The following MAGI2 variants were observed in gnomAD, a reference collection of about 807,000 sequenced individuals.
The protein encoded by MAGI2 is membrane-associated guanylate kinase, WW and PDZ domain-containing protein 2.
In MAGI2, 35 loss-of-function variants were observed where a neutral mutation model predicts 133.3. The ratio of observed to expected loss-of-function variants is 0.26; its 90% CI spans 0.20 to 0.35. The LOEUF (loss-of-function observed/expected upper bound fraction) is 0.35. Ranked by LOEUF, MAGI2 falls within the 10% of genes least tolerant of loss-of-function variation. The probability of loss-of-function intolerance (pLI) is 1.00; values close to 1 mark genes in which losing one functional copy is unlikely to be tolerated. For synonymous variants in MAGI2, 729 were observed against 710.6 expected (o/e 1.03, Z -0.41); for missense variants, 1,636 against 1,863.4 (o/e 0.88, Z 2.25).
At chr7:78,284,214 C>T (rs1478004100) in intron 9 of MAGI2, among the ~76,000 whole-genome samples, 1 of 152,060 alleles carries the variant, frequency 6.6e-6, no homozygotes, top group Non-Finnish European at 1.5e-5. Context: ...CTTAAACCTT[C>T]CCCTAGGCAA....
At chr7:79,413,579 A>C (rs1403381297) in intron 1 of MAGI2, 1 of 152,152 alleles carries the variant, frequency 6.6e-6, no homozygotes, top group Non-Finnish European at 1.5e-5. Flanking sequence ...ATACCTCAGA[A>C]GTGCACATAA....
intron 3 of MAGI2, among the ~76,000 whole-genome samples, chr7:78,528,073 G>A (rs552609098): frequency 6.6e-6 from 1 of 152,248 alleles, no homozygotes; most frequent in East Asian, 1.9e-4. Flanking sequence ...CAGGACCCAC[G>A]GGGCATGCAA....
chr7:78,526,738 C>T (rs1584501569), intron 3 of MAGI2, among the ~76,000 whole-genome samples: 1 of 151,828 alleles, frequency 6.6e-6, no homozygotes, highest in Non-Finnish European at 1.5e-5. Context: ...GGCCGGGTGC[C>T]GTGGCTCACG....
At chr7:78,805,492 G>A (rs1321704527) in intron 2 of MAGI2, among the ~76,000 whole-genome samples, 1 of 152,072 alleles carries the variant, frequency 6.6e-6, no homozygotes, top group Non-Finnish European at 1.5e-5. Context: ...AGGCAGAACT[G>A]TCTATAAGTT....
intron 20 of MAGI2, among the ~76,000 whole-genome samples, chr7:78,122,207 T>C (rs1033729476): frequency 6.6e-6 from 1 of 152,226 alleles, no homozygotes; most frequent in African/African-American, 2.4e-5. Flanking sequence ...TATGGGTTCA[T>C]GGGTCCTTGA....
intron 9 of MAGI2, among the ~76,000 whole-genome samples, chr7:78,321,618 C>T (rs1000073919): frequency 2.0e-5 from 3 of 152,110 alleles, no homozygotes; most frequent in Non-Finnish European, 4.4e-5. Context: ...TAAAAATTAA[C>T]TCAAGATGGA....
chr7:78,292,451 G>A (rs1478617592), intron 9 of MAGI2, among the ~76,000 whole-genome samples: 4 of 151,726 alleles, frequency 2.6e-5, no homozygotes, highest in Non-Finnish European at 3.0e-5. Flanking sequence ...AACAAATGGA[G>A]GAACATTCCA....
At chr7:78,279,389 A>C (rs942755274) in intron 9 of MAGI2, among the ~76,000 whole-genome samples, 1 of 152,090 alleles carries the variant, frequency 6.6e-6, no homozygotes, top group Admixed American at 6.6e-5. Context: ...GACACACCAT[A>C]TTGTATGCTG....
At chr7:79,021,415 G>A (rs994142763) in intron 1 of MAGI2, among the ~76,000 whole-genome samples, 1 of 152,224 alleles carries the variant, frequency 6.6e-6, no homozygotes, top group Admixed American at 6.5e-5. Context: ...ACCCTGAAAA[G>A]TCACAGGGGT....
At chr7:78,071,059 A>C (rs1814635460) in intron 21 of MAGI2, among the ~76,000 whole-genome samples, 1 of 152,246 alleles carries the variant, frequency 6.6e-6, no homozygotes, top group African/African-American at 2.4e-5. Context: ...ATCCTTAAAA[A>C]GAAAAATGCT....
chr7:78,848,126 A>G (rs1792787476), intron 2 of MAGI2, among the ~76,000 whole-genome samples: 1 of 151,864 alleles, frequency 6.6e-6, no homozygotes, highest in Admixed American at 6.6e-5. Context: ...TCTATTTGGC[A>G]TCTCTACTTG....
At chr7:78,731,638 T>C (rs1821374075) in intron 2 of MAGI2, among the ~76,000 whole-genome samples, 1 of 152,170 alleles carries the variant, frequency 6.6e-6, no homozygotes, top group Non-Finnish European at 1.5e-5. Context: ...ACACATTTCC[T>C]AGCTTTCTTA....
intron 1 of MAGI2, among the ~76,000 whole-genome samples, chr7:79,061,417 G>A (rs1297073828): frequency 6.6e-6 from 1 of 151,908 alleles, no homozygotes. Context: ...TTAGGGAGAA[G>A]TGCTGTCGGA....
intron 2 of MAGI2, among the ~76,000 whole-genome samples, chr7:78,906,445 T>C (rs1229962216): frequency 6.6e-6 from 1 of 152,240 alleles, no homozygotes; most frequent in African/African-American, 2.4e-5. Context: ...ACCTGCATAC[T>C]GATGTTGACT....
At chr7:78,420,406 G>C (rs1798690895) in intron 6 of MAGI2, among the ~76,000 whole-genome samples, 1 of 152,134 alleles carries the variant, frequency 6.6e-6, no homozygotes, top group Admixed American at 6.6e-5. Flanking sequence ...CTGTTCTCTT[G>C]AGAAATAAAA....
chr7:78,964,420 C>T (rs993804513), intron 2 of MAGI2, among the ~76,000 whole-genome samples: 1 of 151,982 alleles, frequency 6.6e-6, no homozygotes, highest in African/African-American at 2.4e-5. Flanking sequence ...TTTTATCAAA[C>T]CACTAACTCG....
chr7:78,662,534 T>C (rs1209746772), intron 2 of MAGI2, among the ~76,000 whole-genome samples: 2 of 152,240 alleles, frequency 1.3e-5, no homozygotes, highest in Admixed American at 6.5e-5. Flanking sequence ...TTACTGAATG[T>C]ATTTTGCTTT....
chr7:78,732,054 AGAAT>A lies in MAGI2; in HGVS notation c.419-104819_419-104816del, dbSNP rs375215076. 7.2e-3 allele frequency among the ~76,000 whole-genome samples: 1,096 copies of A among 152,288 alleles called. 7 individuals carry two copies. Among genetic ancestry groups the A allele is most frequent in the African/African-American group, 0.025 (1,029 of 41,584 alleles). On this transcript the variant is annotated intron_variant, in intron 2 of 21. Coordinates refer to ENST00000354212, the MANE Select transcript of MAGI2 (RefSeq NM_012301.4). ...GCAAGCAATAAAACAGGCAAAAGAAAGAATGAGAGAGAGAGAAAAGAAAAGAAAA... is the reference window on the plus strand; with the variant it reads ...GCAAGCAATAAAACAGGCAAAAGAAAGAGAGAGAGAGAAAAGAAAAGAAAA...
intron 5 of MAGI2, among the ~76,000 whole-genome samples, chr7:78,500,341 C>T (rs997034719): frequency 1.3e-5 from 2 of 152,094 alleles, no homozygotes; most frequent in African/African-American, 4.8e-5. Flanking sequence ...TATTTTTATC[C>T]ACTGTCAACA....
Sources: allele counts gnomAD v4.1 joint callset (sites outside exome capture counted in the v4.1 genomes callset), GRCh38; gene constraint gnomAD v4.1.1; transcripts MANE v1.5; gene names NCBI Gene and HGNC (gene_info 2026-07-23, HGNC 2026-07-21).